Variants in XRCC4 observed in about 807,000 individuals in gnomAD.
XRCC4 encodes the protein X-ray repair cross complementing 4.
XRCC4 carries 28 observed loss-of-function variants against 39.1 expected under a neutral mutation model. The ratio of observed to expected loss-of-function variants is 0.72; its 90% CI spans 0.53 to 0.98. The LOEUF is 0.98. XRCC4 is among the 50% of genes least tolerant of loss of function. XRCC4 has a pLI of 0.00. For missense variants in XRCC4, 350 were observed against 376.4 expected (o/e 0.93, Z 0.58); for synonymous variants, 123 against 126.4 (o/e 0.97, Z 0.18).
rs184272957 is a variant in XRCC4, at chr5:83,310,018, C to T, written c.894-43113C>T. 9.2e-4 allele frequency among the ~76,000 whole-genome samples: 140 copies of T among 152,068 alleles called. No individual in the cohort carries two copies. The Middle Eastern group carries it at 0.01, about 11-fold the overall frequency. ...TCAGGAATGACAAATAATTAACTACCGGTGAATATAAAATAGAGTGTCTGA... is the reference window on the plus strand; with the variant it reads ...TCAGGAATGACAAATAATTAACTACTGGTGAATATAAAATAGAGTGTCTGA... On this transcript the variant is annotated intron_variant, in intron 7 of 7. Transcript: ENST00000396027.
At chr5:83,286,005 G>C (rs1754721178) in intron 7 of XRCC4, among the ~76,000 whole-genome samples, 1 of 152,106 alleles carries the variant, frequency 6.6e-6, no homozygotes, top group South Asian at 2.1e-4. Flanking sequence ...TGCTTGGCAT[G>C]TGTTCCTTTA....
chr5:83,181,992 C>T (rs1254116363), intron 3 of XRCC4, among the ~76,000 whole-genome samples: 1 of 151,974 alleles, frequency 6.6e-6, no homozygotes, highest in Non-Finnish European at 1.5e-5. Context: ...GCAAAATGCC[C>T]TTGTTGAAGC....
chr5:83,177,197 A>G (rs1360310798), intron 3 of XRCC4, among the ~76,000 whole-genome samples: 1 of 152,152 alleles, frequency 6.6e-6, no homozygotes, highest in Non-Finnish European at 1.5e-5. Context: ...ATTTTGAAAC[A>G]GCCTTTAAGG....
At chr5:83,098,383 T>C (rs932226998) in intron 1 of XRCC4, among the ~76,000 whole-genome samples, 1 of 152,114 alleles carries the variant, frequency 6.6e-6, no homozygotes, top group Non-Finnish European at 1.5e-5. Context: ...TTGCCTGGAA[T>C]TGAGAGATTT....
intron 4 of XRCC4, among the ~76,000 whole-genome samples, chr5:83,197,908 TC>T (rs1751020927): frequency 1.3e-5 from 2 of 152,160 alleles, no homozygotes; most frequent in Non-Finnish European, 2.9e-5. Flanking sequence ...TTTAAATATT[TC>T]CCAAATTTGA....
chr5:83,197,157 C>T (rs1750986549), intron 4 of XRCC4, among the ~76,000 whole-genome samples: 1 of 151,694 alleles, frequency 6.6e-6, no homozygotes, highest in African/African-American at 2.4e-5. Flanking sequence ...CAAATCCAAA[C>T]TGTGTATCAG....
intron 7 of XRCC4, among the ~76,000 whole-genome samples, chr5:83,295,493 C>T (rs754145160): frequency 2.0e-5 from 3 of 151,942 alleles, no homozygotes; most frequent in Non-Finnish European, 2.9e-5. Flanking sequence ...GGGAAACAAA[C>T]AGGGAGTTGA....
chr5:83,192,591 T>G (rs1428985868), intron 3 of XRCC4, among the ~76,000 whole-genome samples: 1 of 152,036 alleles, frequency 6.6e-6, no homozygotes, highest in Non-Finnish European at 1.5e-5. Context: ...GATTACAAGC[T>G]GGAGCCACCG....
chr5:83,180,241 C>G (rs1271505332), intron 3 of XRCC4, among the ~76,000 whole-genome samples: 2 of 152,010 alleles, frequency 1.3e-5, no homozygotes, highest in African/African-American at 4.8e-5. Flanking sequence ...TATGGAGAAG[C>G]TTTGCAGGCA....
intron 7 of XRCC4, among the ~76,000 whole-genome samples, chr5:83,320,376 A>C (rs1756020240): frequency 6.7e-6 from 1 of 148,566 alleles, no homozygotes; most frequent in Non-Finnish European, 1.5e-5. Flanking sequence ...AAAAATAAAA[A>C]AATAATAAAA....
Position 83,320,063 on chromosome 5 carries a change from T to C in XRCC4, c.894-33068T>C, listed in dbSNP as rs1377225592. Among the ~76,000 whole-genome samples, 11 of 149,914 alleles carry C rather than the reference T, an allele frequency of 7.3e-5. No individual in the cohort carries two copies. The South Asian group carries it at 2.4e-3, about 32-fold the overall frequency. ...TGAGTTCATGTCCTTTGTAGGGACA[T>C]GGATGAAATTGGAAACCATCATTCT... is the stretch of plus-strand genomic sequence containing the variant. On this transcript the variant is annotated intron_variant, in intron 7 of 7. Coordinates refer to ENST00000396027, the MANE Select transcript of XRCC4 (RefSeq NM_003401.5).
At chr5:83,239,125 T>A (rs1481025625) in intron 6 of XRCC4, among the ~76,000 whole-genome samples, 1 of 152,226 alleles carries the variant, frequency 6.6e-6, no homozygotes, top group Non-Finnish European at 1.5e-5. Context: ...ATGTTTTTAC[T>A]CTAACATTTG....
intron 1 of XRCC4, among the ~76,000 whole-genome samples, chr5:83,103,121 A>G (rs1746030856): frequency 6.6e-6 from 1 of 151,112 alleles, no homozygotes; most frequent in Admixed American, 6.6e-5. Context: ...CACCATGAAA[A>G]AAGCTGTTTA....
chr5:83,332,452 T>C (rs1756469034), intron 7 of XRCC4, among the ~76,000 whole-genome samples: 1 of 152,214 alleles, frequency 6.6e-6, no homozygotes, highest in African/African-American at 2.4e-5. Context: ...CATGTCAATT[T>C]AATATTATAC....
intron 3 of XRCC4, among the ~76,000 whole-genome samples, chr5:83,178,048 T>C (rs150219211): frequency 1.3e-5 from 2 of 152,068 alleles, no homozygotes; most frequent in East Asian, 1.9e-4. Context: ...ATTTCAGATA[T>C]AGAATTGACA....
At chr5:83,111,333 G>A (rs1315285577) in intron 3 of XRCC4, 130 bp downstream of exon 3, 1 of 624,490 alleles carries the variant, frequency 1.6e-6, no homozygotes, top group Admixed American at 4.1e-5. Context: ...AAAGTACTTG[G>A]TTTCCAAATT....
chr5:83,329,891 A>G (rs1350787010), intron 7 of XRCC4, among the ~76,000 whole-genome samples: 1 of 152,158 alleles, frequency 6.6e-6, no homozygotes, highest in East Asian at 1.9e-4. Flanking sequence ...GGTAAAGGAC[A>G]TTAGTGGAAA....
rs547748947 is a variant in XRCC4 at position 83,276,156 on chromosome 5, A to T, written c.893+17479A>T. 8.5e-5 allele frequency among the ~76,000 whole-genome samples: 13 copies of T among 152,276 alleles called. No homozygotes were observed. The East Asian group carries it at 2.5e-3, about 29-fold the overall frequency. On this transcript the variant is annotated intron_variant, in intron 7 of 7. Coordinates refer to ENST00000396027, the MANE Select transcript of XRCC4 (RefSeq NM_003401.5). ...TCCTGGACTAGCGATATGTGGTACAATACTTCTCAAGATGCTGAGCCAAAT... is the reference window on the plus strand; with the variant it reads ...TCCTGGACTAGCGATATGTGGTACATTACTTCTCAAGATGCTGAGCCAAAT...
At chr5:83,268,381 G>A (rs943124188) in intron 7 of XRCC4, among the ~76,000 whole-genome samples, 1 of 151,970 alleles carries the variant, frequency 6.6e-6, no homozygotes, top group Admixed American at 6.6e-5. Flanking sequence ...TCAAAAGACT[G>A]GAAAAGCTCC....
Sources: allele counts gnomAD v4.1 joint callset (sites outside exome capture counted in the v4.1 genomes callset), GRCh38; gene constraint gnomAD v4.1.1; transcripts MANE v1.5; gene names NCBI Gene and HGNC (gene_info 2026-07-23, HGNC 2026-07-21).